GLIS2: variants seen among roughly 807,000 people sequenced by gnomAD.
The protein encoded by GLIS2 is zinc finger protein GLIS2.
Under a neutral mutation model 35.6 loss-of-function variants are expected in GLIS2, and 14 were observed. The ratio of observed to expected loss-of-function variants is 0.39; its 90% CI spans 0.26 to 0.61. GLIS2 has a LOEUF of 0.61. Ranked by LOEUF, GLIS2 falls within the 20% of genes least tolerant of loss-of-function variation. The pLI, the probability that GLIS2 is intolerant of heterozygous loss-of-function variation, is 0.48. For missense variants in GLIS2, 675 were observed against 713.4 expected (o/e 0.95, Z 0.61); for synonymous variants, 368 against 325.1 (o/e 1.13, Z -1.42).
chr16:4,332,581 C>A lies in GLIS2; in HGVS notation c.172+129C>A, dbSNP rs762037045. 4.6e-6 allele frequency: 5 copies of A among 1,084,586 alleles called. No homozygotes were observed. The highest frequency in any genetic ancestry group is 4.0e-6 in the Non-Finnish European group (3 of 746,474). 67.2% of individuals were successfully genotyped at this position (1,084,586 alleles called of 1,614,324 possible). On this transcript the variant is annotated intron_variant, in intron 2 of 6. Coordinates refer to ENST00000433375, the MANE Select transcript of GLIS2 (RefSeq NM_032575.3). This position sits in a 1 kb window ranked among gnomAD's most constrained non-coding sequence, Gnocchi z 5.4. ...GCTTCCGGTTCATGGGAAGCCCGCA[C>A]GCTTGTCCTTCCATCCGCCCAGCAT...
chr16:4,337,122 C>T lies in GLIS2; in HGVS notation c.1173C>T (p.Gly391=). 2 of 1,535,962 alleles carry T rather than the reference C, an allele frequency of 1.3e-6. No individual in the cohort carries two copies. Among genetic ancestry groups the T allele is most frequent in the Non-Finnish European group, 1.7e-6 (2 of 1,146,350 alleles). ...LSALACGNGG[G]SGGGGGMGPG... ...CCCTGGCCTGTGGCAACGGTGGGGG[C>T]AGTGGGGGTGGGGGGGGCATGGGCC... The change falls in exon 7 of 7, where the codon GGC becomes GGT. Residue 391 remains glycine (G), a synonymous_variant. Transcript: ENST00000433375.
chr16:4,324,915 A>AG (rs35494206), intron 1 of GLIS2: 2 of 152,210 alleles, frequency 1.3e-5, no homozygotes, highest in Non-Finnish European at 1.5e-5. Context: ...CTGGTCAGGA[A>AG]GGGGGGCCCT....
intron 1 of GLIS2, among the ~76,000 whole-genome samples, chr16:4,323,190 C>T (rs531873155): frequency 6.9e-4 from 105 of 152,314 alleles, no homozygotes; most frequent in African/African-American, 2.5e-3. Context: ...AGGGCCTGGG[C>T]TGTCTGTGCC....
intron 1 of GLIS2, chr16:4,331,748 T>C (rs1332462262): frequency 5.6e-6 from 1 of 177,094 alleles, no homozygotes; most frequent in Non-Finnish European, 1.2e-5. Context: ...TCGAGATCAG[T>C]TTGGGCAACA....
At chr16:4,317,584 T>A (rs1423396069) in intron 1 of GLIS2, among the ~76,000 whole-genome samples, 10 of 151,976 alleles carry the variant, frequency 6.6e-5, no homozygotes, top group Non-Finnish European at 2.9e-5. Context: ...CCATCCCGGG[T>A]GACCTCGGAC....
At chr16:4,329,403 G>A (rs747392058) in intron 1 of GLIS2, among the ~76,000 whole-genome samples, 17 of 152,212 alleles carry the variant, frequency 1.1e-4, no homozygotes, top group African/African-American at 4.1e-4. Context: ...CAACAGGGGC[G>A]AATCGCAGAC....
At chr16:4,333,234 G>C (rs1231457883) in intron 2 of GLIS2, 113 bp from the exon 3 acceptor site, 2 of 1,161,312 alleles carry the variant, frequency 1.7e-6, no homozygotes, top group Non-Finnish European at 2.5e-6. Flanking sequence ...CGTGTGGTCT[G>C]GGGGCATGGC....
At chr16:4,334,035 C>T (rs987686870) in intron 3 of GLIS2, among the ~76,000 whole-genome samples, 16 of 152,138 alleles carry the variant, frequency 1.1e-4, no homozygotes, top group Non-Finnish European at 2.1e-4. Flanking sequence ...CTCCGCCTCC[C>T]GGGTTCAAGC....
In GLIS2 at chr16:4,316,217, A is replaced by G. The variant is rs1173498483; in HGVS notation, c.-104A>G. On this transcript the variant is annotated 5_prime_UTR_variant, in exon 1 of 7. Transcript: ENST00000433375. The stretch of plus-strand genomic sequence containing the variant: ...GCTCCCCGCGCCCCCCGACCGCCGG[A>G]GCCCGCAGCCCGGATCCCGACCGCC... Among the ~76,000 whole-genome samples, 1 of 131,728 alleles carries G rather than the reference A, an allele frequency of 7.6e-6. No homozygotes were observed. Among genetic ancestry groups the G allele is most frequent in the Non-Finnish European group, 1.6e-5 (1 of 61,414 alleles). The allele number at this position is 131,728 out of a possible 152,430, so 86.4% of individuals were successfully genotyped here.
intron 3 of GLIS2, 139 bp downstream of exon 3, chr16:4,333,658 G>A (rs2053520667): frequency 9.9e-7 from 1 of 1,008,624 alleles, no homozygotes; most frequent in Admixed American, 2.8e-5. Flanking sequence ...CTACCTGGAA[G>A]GCTCTAGGGG....
upstream of GLIS2, among the ~76,000 whole-genome samples, chr16:4,315,893 G>C (rs1280797232): frequency 6.7e-6 from 1 of 149,050 alleles, no homozygotes; most frequent in Non-Finnish European, 1.5e-5. Context: ...GAGGGGTTTT[G>C]CTGGGAGGGA....
upstream of GLIS2, among the ~76,000 whole-genome samples, chr16:4,315,747 C>G (rs984592079): frequency 6.6e-6 from 1 of 150,990 alleles, no homozygotes; most frequent in Non-Finnish European, 1.5e-5. Flanking sequence ...CCCCTCCCTC[C>G]CGGTGCCCGC....
intron 6 of GLIS2, chr16:4,336,413 C>G: frequency 1.8e-6 from 1 of 547,148 alleles, no homozygotes; most frequent in Admixed American, 3.1e-5. Flanking sequence ...TCCCAAAGTG[C>G]TGAAATTACA....
rs780592059 is a variant in GLIS2, at chr16:4,320,862, G to A, written c.-67+4608G>A. 4.6e-5 allele frequency among the ~76,000 whole-genome samples: 7 copies of A among 151,968 alleles called. No homozygotes were observed. The highest frequency in any genetic ancestry group is 1.0e-4 in the Non-Finnish European group (7 of 67,942). ...TGGTGCTCGTCTCCCTGCCAGCCCC[G>A]GCCTCCCCCAGCACCCCCCGGAGCA... On this transcript the variant is annotated intron_variant, in intron 1 of 6. Transcript: ENST00000433375. The surrounding 1 kb of genome is among the most constrained non-coding windows in gnomAD (Gnocchi z 5.6).
At position 4,335,090 on chromosome 16, in the gene GLIS2, C is replaced by G. The variant is rs1332725182; in HGVS notation, c.553C>G (p.Leu185Val). 1 of 1,613,496 alleles carries G rather than the reference C, an allele frequency of 6.2e-7. No individual in the cohort carries two copies. The highest frequency in any genetic ancestry group is 1.1e-5 in the South Asian group (1 of 91,092). ...CNQLFELLQD[L>V]VDHVNDYHVK... ...CCAGCTCTTTGAGCTCCTGCAAGACCTGGTGGACCATGTCAACGATTACCA... is the reference window on the plus strand; with the variant it reads ...CCAGCTCTTTGAGCTCCTGCAAGACGTGGTGGACCATGTCAACGATTACCA... Residue 185 changes from leucine to valine, a missense_variant, in exon 5 of 7, where the codon CTG becomes GTG. Leu to Val is a conservative substitution (Grantham distance 32). Around this residue, in one of 3 missense-constraint regions of GLIS2, gnomAD observed 225 missense variants for 238.7 expected, o/e 0.94. Coordinates refer to ENST00000433375, the MANE Select transcript of GLIS2 (RefSeq NM_032575.3). The surrounding 1 kb of genome is among the most constrained non-coding windows in gnomAD (Gnocchi z 4.6).
At chr16:4,328,309 G>A (rs781036945) in intron 1 of GLIS2, 1 of 152,420 alleles carries the variant, frequency 6.6e-6, no homozygotes, top group Non-Finnish European at 1.5e-5. Context: ...GGGCCTCCGA[G>A]GCTTTCAGGA....
chr16:4,330,471 T>TGCCCCCTGGTGGCGACCCA (rs1321442546), intron 1 of GLIS2, among the ~76,000 whole-genome samples: 1 of 152,224 alleles, frequency 6.6e-6, no homozygotes, highest in Non-Finnish European at 1.5e-5. Context: ...AATCCCCAGC[T>TGCCCCCTGGTGGCGACCCA]GCCCCCTGGT....
chr16:4,331,360 A>AC (rs1257986579), intron 1 of GLIS2, among the ~76,000 whole-genome samples: 1 of 152,160 alleles, frequency 6.6e-6, no homozygotes, highest in Admixed American at 6.5e-5. Flanking sequence ...AACTAGCCAG[A>AC]CCCATCCCTT....
At chr16:4,323,319 G>T (rs965440403) in intron 1 of GLIS2, among the ~76,000 whole-genome samples, 1 of 152,228 alleles carries the variant, frequency 6.6e-6, no homozygotes, top group Non-Finnish European at 1.5e-5. Flanking sequence ...GGGTGGGCAG[G>T]TGTGGGGGCT....
Sources: gnomAD v4.1 joint callset for allele counts (sites outside exome capture counted in the v4.1 genomes callset) on GRCh38, gnomAD v4.1.1 for gene constraint, gnomAD v4.1.1 regional missense constraint, Gnocchi (gnomAD v3.1) non-coding constraint, MANE v1.5 for transcripts, NCBI Gene and HGNC (gene_info 2026-07-23, HGNC 2026-07-21) for gene names.